MRPL27: variants seen among roughly 807,000 people sequenced by gnomAD.
The protein encoded by MRPL27 is large ribosomal subunit protein bL27m.
Under a neutral mutation model 14.6 loss-of-function variants are expected in MRPL27, and 4 were observed. The ratio of observed to expected loss-of-function variants is 0.27; its 90% CI spans 0.14 to 0.63. The LOEUF (loss-of-function observed/expected upper bound fraction) is 0.63, where lower values mean the gene tolerates loss of function less well. Ranked by LOEUF, MRPL27 falls within the 20% of genes least tolerant of loss-of-function variation. The pLI is 0.85. For synonymous variants in MRPL27, 82 were observed against 75.5 expected (o/e 1.09, Z -0.45); for missense variants, 196 against 192.8 (o/e 1.02, Z -0.10).
intron 1 of MRPL27, among the ~76,000 whole-genome samples, chr17:50,372,520 C>T (rs1048287727): frequency 6.6e-6 from 1 of 152,232 alleles, no homozygotes; most frequent in African/African-American, 2.4e-5. Context: ...GTTGGGACTA[C>T]AGGCGTGAGC....
chr17:50,371,979 A>G (rs889618577), intron 1 of MRPL27, among the ~76,000 whole-genome samples: 2 of 152,180 alleles, frequency 1.3e-5, no homozygotes, highest in Non-Finnish European at 2.9e-5. Context: ...CTGTCCTCAC[A>G]TATTGTTCAC....
At chr17:50,373,002 G>T in intron 1 of MRPL27, 129 bp downstream of exon 1, 1 of 1,328,350 alleles carries the variant, frequency 7.5e-7, no homozygotes, top group Non-Finnish European at 1.0e-6. Flanking sequence ...CCTCAAACCT[G>T]GAGTACCCCA....
chr17:50,372,965 A>C, intron 1 of MRPL27, 166 bp downstream of exon 1: 1 of 906,710 alleles, frequency 1.1e-6, no homozygotes, highest in South Asian at 1.6e-5. Flanking sequence ...TCCACCCAGG[A>C]TGTGTCACGT....
chr17:50,368,116 G>C lies in MRPL27; in HGVS notation c.423C>G (p.Thr141=). ...VHVVPAKPEG[T]FKLVAML ...ATCAAAGCATAGCTACCAGTTTGAA[G>C]GTGCCCTCAGGCTTGGCAGGAACCA... Residue 141 remains threonine, a synonymous_variant, in exon 4 of 4, where the codon ACC becomes ACG. Transcript: ENST00000225969. 1 of 1,614,212 alleles carries C rather than the reference G, an allele frequency of 6.2e-7. No individual in the cohort carries two copies.
chr17:50,371,738 C>T (rs1913153465), intron 1 of MRPL27, among the ~76,000 whole-genome samples: 2 of 152,224 alleles, frequency 1.3e-5, no homozygotes, highest in African/African-American at 4.8e-5. Flanking sequence ...CTCAGAAAGA[C>T]AACATGTTAA....
rs1913099990 is a variant in MRPL27, at chr17:50,370,535, G to C, written c.92C>G (p.Ala31Gly). ...TPATALAVRY[A>G]SKKSGGSSKN... ...GGAGCTACCACCCGACTTCTTGGAT[G>C]CGTATCTGACAGCAAGAGCTGTAGC... The change falls in exon 2 of 4, where the codon GCA becomes GGA. Residue 31 changes from alanine (A) to glycine (G), a missense_variant. Ala to Gly is a moderately conservative substitution (Grantham distance 60). Coordinates refer to ENST00000225969, the MANE Select transcript of MRPL27 (RefSeq NM_016504.3). 3.7e-6 allele frequency: 6 copies of C among 1,614,204 alleles called. No individual in the cohort carries two copies. The highest frequency in any genetic ancestry group is 5.1e-6 in the Non-Finnish European group (6 of 1,180,040).
chr17:50,368,437 C>A (rs1291791017), intron 3 of MRPL27, 139 bp from the exon 4 acceptor site: 32 of 827,590 alleles, frequency 3.9e-5, no homozygotes, highest in Non-Finnish European at 5.9e-5. Context: ...GGTTCCCTTT[C>A]CCACTGGCTA....
intron 3 of MRPL27, chr17:50,368,521 G>A (rs1913030550): frequency 5.0e-6 from 3 of 605,106 alleles, no homozygotes; most frequent in Non-Finnish European, 8.8e-6. Flanking sequence ...AGCCAACATG[G>A]GCCACTGCTC....
intron 3 of MRPL27, chr17:50,368,986 C>T (rs1029263036): frequency 7.6e-6 from 5 of 658,246 alleles, no homozygotes; most frequent in East Asian, 2.7e-5. Flanking sequence ...AAATTTTACC[C>T]AGGTAGTCCA....
chr17:50,371,747 A>G (rs887668394), intron 1 of MRPL27, among the ~76,000 whole-genome samples: 6 of 152,226 alleles, frequency 3.9e-5, no homozygotes, highest in Admixed American at 3.9e-4. Flanking sequence ...ACAACATGTT[A>G]AAACATGCCC....
intron 1 of MRPL27, 37 bp from the exon 2 acceptor site, chr17:50,370,623 G>T (rs1329788067): frequency 6.2e-7 from 1 of 1,612,008 alleles, no homozygotes; most frequent in Non-Finnish European, 8.5e-7. Flanking sequence ...AGACAGACAG[G>T]CTCAAACTAT....
Position 50,368,140 on chromosome 17 carries a change from C to T in MRPL27, c.399G>A (p.Val133=). 2 of 1,614,216 alleles carry T rather than the reference C, an allele frequency of 1.2e-6. No individual in the cohort carries two copies. Among genetic ancestry groups the T allele is most frequent in the Non-Finnish European group, 1.7e-6 (2 of 1,180,030 alleles). ...GAVLYKTFVH[V]VPAKPEGTFK... Reference sequence around the variant, plus strand: ...AGGTGCCCTCAGGCTTGGCAGGAACCACGTGGACAAAAGTCTTGTAGAGCA... The same window carrying T: ...AGGTGCCCTCAGGCTTGGCAGGAACTACGTGGACAAAAGTCTTGTAGAGCA... The change falls in exon 4 of 4, where the codon GTG becomes GTA. Residue 133 remains valine, a synonymous_variant. Coordinates refer to ENST00000225969, the MANE Select transcript of MRPL27 (RefSeq NM_016504.3).
At chr17:50,370,299 G>T in intron 2 of MRPL27, 156 bp downstream of exon 2, 1 of 1,305,650 alleles carries the variant, frequency 7.7e-7, no homozygotes, top group Non-Finnish European at 1.1e-6. Flanking sequence ...CCACCCACTC[G>T]ATGACCCTTC....
At chr17:50,371,321 G>A (rs1913127771) in intron 1 of MRPL27, among the ~76,000 whole-genome samples, 1 of 152,026 alleles carries the variant, frequency 6.6e-6, no homozygotes, top group African/African-American at 2.4e-5. Context: ...TAAACCAAAA[G>A]GATGGCTGGC....
chr17:50,369,864 C>T, intron 3 of MRPL27, 168 bp downstream of exon 3: 1 of 806,344 alleles, frequency 1.2e-6, no homozygotes, highest in Non-Finnish European at 2.0e-6. Context: ...TTTCACCTTA[C>T]TTACAGGGAT....
chr17:50,372,789 C>A, intron 1 of MRPL27: 1 of 357,086 alleles, frequency 2.8e-6, no homozygotes, highest in Non-Finnish European at 5.2e-6. Context: ...AAAGTAAGAC[C>A]TCAATCTGCT....
In MRPL27 at chr17:50,368,292, C is replaced by A. The variant is rs1242923853; in HGVS notation, c.247G>T (p.Val83Phe). 35 of 1,608,796 alleles carry A rather than the reference C, an allele frequency of 2.2e-5. No homozygotes were observed. Among genetic ancestry groups the A allele is most frequent in the Non-Finnish European group, 3.0e-5 (35 of 1,178,672 alleles). The stretch of plus-strand genomic sequence containing the variant: ...GCATACAGACATTTATTCTTCCCAA[C>A]ACCCACCTGCAACACACAGACCTGG... ...FRWHPGAHVG[V>F]GKNKCLYALE... is the part of the protein sequence containing the mutation. The change falls in exon 4 of 4, where the codon GTT becomes TTT. Residue 83 changes from valine (V) to phenylalanine (F), a missense_variant. Transcript: ENST00000225969.
At chr17:50,370,801 T>C (rs1913110374) in intron 1 of MRPL27, 2 of 529,458 alleles carry the variant, frequency 3.8e-6, no homozygotes, top group African/African-American at 1.9e-5. Context: ...GAAACACAAA[T>C]GGAAAAAAAT....
chr17:50,373,079 G>A, intron 1 of MRPL27, 52 bp downstream of exon 1: 1 of 1,611,674 alleles, frequency 6.2e-7, no homozygotes, highest in Non-Finnish European at 8.5e-7. Flanking sequence ...CCCTGCTGGA[G>A]CTCCACTCTG....
Sources: allele counts gnomAD v4.1 joint callset (sites outside exome capture counted in the v4.1 genomes callset), GRCh38; gene constraint gnomAD v4.1.1; transcripts MANE v1.5; gene names NCBI Gene and HGNC (gene_info 2026-07-23, HGNC 2026-07-21).